The following HERC4 variants were observed in gnomAD, a reference collection of about 807,000 sequenced individuals.
The protein encoded by HERC4 is probable E3 ubiquitin-protein ligase HERC4.
A neutral mutation model predicts 124.3 loss-of-function variants in HERC4; 28 were observed. The ratio of observed to expected loss-of-function variants is 0.23; its 90% confidence interval spans 0.17 to 0.31. HERC4 has a LOEUF of 0.31. HERC4 is among the 10% of genes least tolerant of loss of function. HERC4 has a pLI of 1.00. For missense variants in HERC4, 713 were observed against 1,229.3 expected, an observed-to-expected ratio of 0.58 and a Z score of 6.28; for synonymous variants, 407 against 421.5, an observed-to-expected ratio of 0.97 and a Z score of 0.42.
At chr10:68,007,668 A>C (rs1202468746) in intron 9 of HERC4, 1 of 151,216 alleles carries the variant, frequency 6.6e-6, no homozygotes, top group Non-Finnish European at 1.5e-5. Flanking sequence ...CACTGCAGCC[A>C]TCTGCATTAG....
At chr10:68,067,480 A>T (rs934913212) in intron 3 of HERC4, among the ~76,000 whole-genome samples, 9 of 152,242 alleles carry the variant, frequency 5.9e-5, no homozygotes, top group African/African-American at 1.9e-4. Context: ...GTTCTGGTTC[A>T]GTAAGAAATG....
chr10:67,961,728 T>C (rs917052591), intron 16 of HERC4, among the ~76,000 whole-genome samples: 7 of 152,168 alleles, frequency 4.6e-5, no homozygotes, highest in Non-Finnish European at 7.3e-5. Flanking sequence ...AGCGATATTA[T>C]TGGAGGATTT....
intron 15 of HERC4, among the ~76,000 whole-genome samples, chr10:67,984,152 A>C (rs1299886292): frequency 6.6e-6 from 1 of 151,452 alleles, no homozygotes; most frequent in African/African-American, 2.4e-5. Context: ...AAATACAAAA[A>C]ATTAGCCAGT....
rs754610964 is a variant in HERC4 at position 67,973,212 on chromosome 10, A to AT, written c.1807-6411_1807-6410insA. Among the ~76,000 whole-genome samples the AT allele has an allele frequency of 3.3e-5, 5 of 152,224 alleles. No homozygotes were observed. The South Asian group carries it at 1.0e-3, about 32-fold the overall frequency. ...TGAATGGAAAACATTTAAAAAAAAAAGGTTTGAAGGAGAACATTCTAGGCA... is the reference window on the plus strand; with the variant it reads ...TGAATGGAAAACATTTAAAAAAAAAATGGTTTGAAGGAGAACATTCTAGGCA... On this transcript the variant is annotated intron_variant, in intron 15 of 24. Transcript: ENST00000373700.
intron 3 of HERC4, chr10:68,069,737 C>A: frequency 5.1e-6 from 5 of 985,468 alleles, no homozygotes; most frequent in Non-Finnish European, 6.0e-6. Flanking sequence ...CTTTCTGACA[C>A]AAGTTTAAAG....
At chr10:68,027,454 C>T (rs904168473) in intron 7 of HERC4, among the ~76,000 whole-genome samples, 1 of 152,156 alleles carries the variant, frequency 6.6e-6, no homozygotes, top group Non-Finnish European at 1.5e-5. Flanking sequence ...TGTGTATCTT[C>T]AACAGCATAT....
At chr10:68,043,685 G>A (rs1449533981) in intron 4 of HERC4, among the ~76,000 whole-genome samples, 1 of 151,930 alleles carries the variant, frequency 6.6e-6, no homozygotes, top group Non-Finnish European at 1.5e-5. Context: ...CTGTGGTGGT[G>A]GGCGCCTGTA....
chr10:68,026,084 G>C (rs1407433900), intron 7 of HERC4, among the ~76,000 whole-genome samples: 2 of 152,082 alleles, frequency 1.3e-5, no homozygotes, highest in African/African-American at 2.4e-5. Flanking sequence ...TGCATAAATA[G>C]AGCAATTTTT....
chr10:68,032,883 C>A lies in HERC4; in HGVS notation c.686-14G>T. On this transcript the variant is annotated splice_polypyrimidine_tract_variant and intron_variant, in intron 6 of 24. Coordinates refer to ENST00000373700, the MANE Select transcript of HERC4 (RefSeq NM_015601.4). Reference sequence around the variant, plus strand: ...GAACATACCTATCTGAAAATTCCAACAAGAGATGTTAATAGTATTTTAAAA... The same window carrying A: ...GAACATACCTATCTGAAAATTCCAAAAAGAGATGTTAATAGTATTTTAAAA... 1 of 1,286,718 alleles carries A rather than the reference C, an allele frequency of 7.8e-7. No homozygotes were observed. Among genetic ancestry groups the A allele is most frequent in the East Asian group, 2.3e-5 (1 of 43,238 alleles). 79.7% of individuals were successfully genotyped at this position (1,286,718 alleles called of 1,614,324 possible).
At chr10:68,024,534 A>G (rs1487167607) in intron 8 of HERC4, among the ~76,000 whole-genome samples, 1 of 152,186 alleles carries the variant, frequency 6.6e-6, no homozygotes, top group Non-Finnish European at 1.5e-5. Context: ...TTATATATGT[A>G]TAAAATTGAA....
intron 3 of HERC4, among the ~76,000 whole-genome samples, chr10:68,070,804 C>T (rs147442213): frequency 6.6e-6 from 1 of 151,946 alleles, no homozygotes; most frequent in Admixed American, 6.6e-5. Context: ...CAGGACCCCC[C>T]CCTTCTACAA....
chr10:67,926,838 C>G (rs138556630), intron 23 of HERC4, among the ~76,000 whole-genome samples: 2,926 of 152,264 alleles, frequency 0.019, 76 homozygotes, highest in South Asian at 0.026. Context: ...TCACTAAACT[C>G]TTTTTCACTG....
intron 15 of HERC4, among the ~76,000 whole-genome samples, chr10:67,981,536 C>A (rs1431359727): frequency 6.6e-6 from 1 of 152,196 alleles, no homozygotes; most frequent in Non-Finnish European, 1.5e-5. Context: ...ACCAAATGGA[C>A]CAAACACATA....
At chr10:68,056,821 C>G (rs555713534) in intron 3 of HERC4, among the ~76,000 whole-genome samples, 3 of 152,212 alleles carry the variant, frequency 2.0e-5, no homozygotes, top group East Asian at 3.9e-4. Context: ...CAAAACGACA[C>G]AGTTAGCTAT....
chr10:67,992,191 T>A lies in HERC4; in HGVS notation c.1271+8A>T. ...GCCACTGTGCCTGGCCCAAAATGCT[T>A]TTCTTACTTGGCTATCTCCACAGGA... On this transcript the variant is annotated splice_region_variant and intron_variant, in intron 11 of 24. Coordinates refer to ENST00000373700, the MANE Select transcript of HERC4 (RefSeq NM_015601.4). 1.2e-6 allele frequency: 2 copies of A among 1,612,866 alleles called. No homozygotes were observed. The highest frequency in any genetic ancestry group is 1.7e-6 in the Non-Finnish European group (2 of 1,179,476).
At chr10:67,923,615 A>C (rs1356504232) in intron 24 of HERC4, among the ~76,000 whole-genome samples, 1 of 151,670 alleles carries the variant, frequency 6.6e-6, no homozygotes, top group Admixed American at 6.6e-5. Context: ...GCTGGAGTGC[A>C]GTGTGCGGTC....
chr10:67,966,298 C>T (rs1008715102), intron 16 of HERC4: 4 of 187,308 alleles, frequency 2.1e-5, no homozygotes, highest in Non-Finnish European at 4.3e-5. Context: ...AGTCTTGAAG[C>T]ACCAATTTCA....
At chr10:68,040,318 A>C (rs1433315673) in intron 4 of HERC4, 1 of 964,098 alleles carries the variant, frequency 1.0e-6, no homozygotes, top group Non-Finnish European at 1.2e-6. Flanking sequence ...TACTGTGTTA[A>C]AGAAAAAACT....
chr10:67,955,035 T>C lies in HERC4; in HGVS notation c.2121A>G (p.Arg707=). 6.3e-7 allele frequency: 1 copy of C among 1,599,776 alleles called. No homozygotes were observed. The highest frequency in any genetic ancestry group is 1.1e-5 in the South Asian group (1 of 88,680). ...VNPCLILVVR[R]ENIVGDAMEV... ...CCATTGCATCTCCTACAATATTTTC[T>C]CTACGCACCACTAGAATTAAGCAGG... The change falls in exon 18 of 25, where the codon AGA becomes AGG. Residue 707 remains arginine (R), a synonymous_variant. Transcript: ENST00000373700.
Sources: allele counts gnomAD v4.1 joint callset (sites outside exome capture counted in the v4.1 genomes callset), GRCh38; gene constraint gnomAD v4.1.1; transcripts MANE v1.5; gene names NCBI Gene and HGNC (gene_info 2026-07-23, HGNC 2026-07-21).